The following CACNA2D3 variants were observed in gnomAD, a reference collection of about 807,000 sequenced individuals.
The protein encoded by CACNA2D3 is calcium voltage-gated channel auxiliary subunit alpha2delta 3.
A neutral mutation model predicts 160.6 loss-of-function variants in CACNA2D3; 60 were observed. The observed-to-expected ratio is 0.37, with a 90% CI of 0.30 to 0.46. The LOEUF (loss-of-function observed/expected upper bound fraction) is 0.46, where lower values mean the gene tolerates loss of function less well. Ranked by LOEUF, CACNA2D3 falls within the 20% of genes least tolerant of loss-of-function variation. The probability of loss-of-function intolerance (pLI) is 1.00; values close to 1 mark genes in which losing one functional copy is unlikely to be tolerated. For missense variants in CACNA2D3, 1,205 were observed against 1,365.0 expected, an observed-to-expected ratio of 0.88 and a Z score of 1.85; for synonymous variants, 558 against 492.9, an observed-to-expected ratio of 1.13 and a Z score of -1.75.
chr3:54,800,043 A>C (rs80092424), intron 13 of CACNA2D3, among the ~76,000 whole-genome samples: 141 of 152,244 alleles, frequency 9.3e-4, no homozygotes, highest in African/African-American at 3.3e-3. Flanking sequence ...TTAAGTTTTA[A>C]TTAAAACCAG....
At chr3:54,661,367 A>G (rs1034256733) in intron 11 of CACNA2D3, among the ~76,000 whole-genome samples, 2 of 152,342 alleles carry the variant, frequency 1.3e-5, no homozygotes, top group Admixed American at 1.3e-4. Context: ...TCAATGGGAC[A>G]GAAACAAAAA....
intron 11 of CACNA2D3, among the ~76,000 whole-genome samples, chr3:54,693,490 CTA>C (rs1187772313): frequency 6.6e-6 from 1 of 152,174 alleles, no homozygotes; most frequent in African/African-American, 2.4e-5. Flanking sequence ...TTGATGATAA[CTA>C]TGTTACTGGT....
chr3:54,693,237 C>T (rs1177413381), intron 11 of CACNA2D3, among the ~76,000 whole-genome samples: 3 of 152,208 alleles, frequency 2.0e-5, no homozygotes, highest in Non-Finnish European at 1.5e-5. Context: ...ATAATCCTTT[C>T]AGTGAAATAC....
At chr3:54,671,302 C>T (rs1401011203) in intron 11 of CACNA2D3, among the ~76,000 whole-genome samples, 5 of 151,964 alleles carry the variant, frequency 3.3e-5, no homozygotes, top group Middle Eastern at 6.8e-3. Flanking sequence ...GGTCTGTACT[C>T]CTACCCTTTG....
At chr3:54,768,411 T>C (rs142114630) in intron 13 of CACNA2D3, among the ~76,000 whole-genome samples, 1 of 152,358 alleles carries the variant, frequency 6.6e-6, no homozygotes, top group East Asian at 1.9e-4. Context: ...TGCATTAATA[T>C]GATGCCTTGC....
At chr3:54,630,835 G>A (rs1167590427) in intron 10 of CACNA2D3, among the ~76,000 whole-genome samples, 1 of 152,038 alleles carries the variant, frequency 6.6e-6, no homozygotes, top group Non-Finnish European at 1.5e-5. Context: ...TCTGGAGTCT[G>A]GTCAGTCAGA....
Position 54,743,697 on chromosome 3 carries a change from A to C in CACNA2D3, c.1168-8902A>C, listed in dbSNP as rs959478041. The stretch of plus-strand genomic sequence containing the variant: ...GTTTGACTTTTTGTTCATGGTATTG[A>C]ATCTGTAATCCTTCTTGAGAGATGG... On this transcript the variant is annotated intron_variant, in intron 11 of 37. Coordinates refer to ENST00000474759, the MANE Select transcript of CACNA2D3 (RefSeq NM_018398.3). Among the ~76,000 whole-genome samples, 7 of 152,122 alleles carry C rather than the reference A, an allele frequency of 4.6e-5. 1 individual carries two copies. Among genetic ancestry groups the C allele is most frequent in the Non-Finnish European group, 7.4e-5 (5 of 68,020 alleles).
chr3:54,322,076 C>G (rs1704015488), intron 3 of CACNA2D3, among the ~76,000 whole-genome samples: 1 of 152,166 alleles, frequency 6.6e-6, no homozygotes, highest in African/African-American at 2.4e-5. Context: ...CAAAGTAGCC[C>G]TGGTGCCTGG....
chr3:54,624,936 T>C (rs1178495514), intron 9 of CACNA2D3, among the ~76,000 whole-genome samples: 1 of 152,186 alleles, frequency 6.6e-6, no homozygotes, highest in African/African-American at 2.4e-5. Context: ...GAAGGCAGAC[T>C]CCCTTCCTGC....
chr3:54,462,774 C>T (rs1700531823), intron 4 of CACNA2D3, among the ~76,000 whole-genome samples: 1 of 152,120 alleles, frequency 6.6e-6, no homozygotes, highest in East Asian at 1.9e-4. Context: ...AGTCCATTTG[C>T]ATTTAAAGTT....
chr3:54,831,720 G>A (rs956044275), intron 14 of CACNA2D3, among the ~76,000 whole-genome samples: 3 of 152,000 alleles, frequency 2.0e-5, no homozygotes, highest in Non-Finnish European at 4.4e-5. Flanking sequence ...TGGCCTTTTT[G>A]GCCTCAGAAA....
At chr3:54,278,962 A>C (rs1702809441) in intron 2 of CACNA2D3, among the ~76,000 whole-genome samples, 1 of 152,190 alleles carries the variant, frequency 6.6e-6, no homozygotes, top group Non-Finnish European at 1.5e-5. Context: ...CTGCACATGT[A>C]TCCCAAAACA....
At chr3:54,392,613 C>T (rs115110247) in intron 4 of CACNA2D3, among the ~76,000 whole-genome samples, 1 of 152,034 alleles carries the variant, frequency 6.6e-6, no homozygotes, top group South Asian at 2.1e-4. Flanking sequence ...CCTCACCAAG[C>T]TGGAAGAGCC....
At chr3:54,702,927 G>A (rs1472206488) in intron 11 of CACNA2D3, among the ~76,000 whole-genome samples, 1 of 152,174 alleles carries the variant, frequency 6.6e-6, no homozygotes, top group Non-Finnish European at 1.5e-5. Context: ...ATCCTTTGCA[G>A]CAACATGGAT....
rs146687916 is a variant in CACNA2D3, at chr3:54,413,668, C to G, written c.381+26894C>G. ...GTTTATTAACTTTTTCTTCTGTACT[C>G]TCCAATCTTCCATTAAAATCATTTA... On this transcript the variant is annotated intron_variant, in intron 4 of 37. Transcript: ENST00000474759. 1.1e-3 allele frequency among the ~76,000 whole-genome samples: 162 copies of G among 151,252 alleles called. 2 individuals carry two copies. Among genetic ancestry groups the G allele is most frequent in the African/African-American group, 3.7e-3 (153 of 41,406 alleles).
intron 34 of CACNA2D3, among the ~76,000 whole-genome samples, chr3:55,015,881 A>G (rs1703316957): frequency 2.6e-5 from 4 of 152,200 alleles, no homozygotes; most frequent in African/African-American, 9.6e-5. Context: ...TGGGAAGAGA[A>G]TGATGTTCCC....
chr3:54,594,917 C>A (rs1185719708), intron 9 of CACNA2D3, among the ~76,000 whole-genome samples: 1 of 152,142 alleles, frequency 6.6e-6, no homozygotes, highest in African/African-American at 2.4e-5. Flanking sequence ...AGTGCGCAAC[C>A]ACATCATGAA....
chr3:54,649,469 C>T (rs1461532628), intron 11 of CACNA2D3, among the ~76,000 whole-genome samples: 1 of 152,160 alleles, frequency 6.6e-6, no homozygotes, highest in Admixed American at 6.5e-5. Flanking sequence ...GCTTGCGCTG[C>T]TATGACAAAA....
intron 2 of CACNA2D3, among the ~76,000 whole-genome samples, chr3:54,172,764 ATT>A (rs1455632066): frequency 6.6e-6 from 1 of 152,198 alleles, no homozygotes; most frequent in Admixed American, 6.5e-5. Flanking sequence ...TTTCTATTTC[ATT>A]GATTCATTTC....
Sources: gnomAD v4.1 joint callset for allele counts (sites outside exome capture counted in the v4.1 genomes callset) on GRCh38, gnomAD v4.1.1 for gene constraint, MANE v1.5 for transcripts, NCBI Gene and HGNC (gene_info 2026-07-23, HGNC 2026-07-21) for gene names.